Variants in SLC24A2 observed in about 807,000 individuals in gnomAD.
SLC24A2 encodes sodium/potassium/calcium exchanger 2.
Under a neutral mutation model 62.0 loss-of-function variants are expected in SLC24A2, and 36 were observed. That is an observed-to-expected ratio of 0.58 (90% CI 0.44 to 0.77). The LOEUF is 0.77. SLC24A2 is among the 30% of genes least tolerant of loss of function. SLC24A2 has a pLI of 0.00. For synonymous variants in SLC24A2, 358 were observed against 294.0 expected (o/e 1.22, Z -2.23); for missense variants, 846 against 817.9 (o/e 1.03, Z -0.42).
At chr9:20,001,173 G>A in the SLC24A2 span, among the ~76,000 whole-genome samples, 1 of 152,220 alleles carries the variant, frequency 6.6e-6, no homozygotes, top group African/African-American at 2.4e-5. Context: ...AGCCTGCATT[G>A]TCCCTGCTGC....
intron 8 of SLC24A2, among the ~76,000 whole-genome samples, chr9:19,541,548 A>C (rs574689953): frequency 6.8e-6 from 1 of 148,128 alleles, no homozygotes; most frequent in African/African-American, 2.5e-5. Context: ...CCAATTGAGG[A>C]GGCAGTCTGC....
At chr9:19,724,832 G>GT (rs1374725202) in intron 2 of SLC24A2, among the ~76,000 whole-genome samples, 1 of 152,098 alleles carries the variant, frequency 6.6e-6, no homozygotes, top group Non-Finnish European at 1.5e-5. Context: ...CCAATAAGGC[G>GT]TATTTCAAAC....
At chr9:19,761,604 G>A (rs1284832845) in intron 2 of SLC24A2, among the ~76,000 whole-genome samples, 1 of 151,894 alleles carries the variant, frequency 6.6e-6, no homozygotes, top group African/African-American at 2.4e-5. Context: ...TTGGCATTAG[G>A]TATATCTCCT....
chr9:19,985,223 C>A, the SLC24A2 span, among the ~76,000 whole-genome samples: 1 of 152,096 alleles, frequency 6.6e-6, no homozygotes, highest in African/African-American at 2.4e-5. Context: ...TATGATTCAG[C>A]AATTCCACTC....
the SLC24A2 span, among the ~76,000 whole-genome samples, chr9:19,922,460 A>C: frequency 4.9e-3 from 744 of 152,356 alleles, 4 homozygotes; most frequent in African/African-American, 0.017. Flanking sequence ...AGCATGCTCA[A>C]TAATTCAAGC....
chr9:19,941,444 T>C, the SLC24A2 span, among the ~76,000 whole-genome samples: 5 of 152,142 alleles, frequency 3.3e-5, no homozygotes, highest in East Asian at 3.9e-4. Flanking sequence ...ACTTTAGTAA[T>C]TGAGTTAATA....
intron 9 of SLC24A2, among the ~76,000 whole-genome samples, chr9:19,527,481 T>C (rs1833493776): frequency 6.6e-6 from 1 of 152,248 alleles, no homozygotes; most frequent in Admixed American, 6.5e-5. Flanking sequence ...GTTACCACTA[T>C]TATCTTTGAA....
At chr9:20,067,859 G>A in the SLC24A2 span, among the ~76,000 whole-genome samples, 1 of 152,056 alleles carries the variant, frequency 6.6e-6, no homozygotes, top group Non-Finnish European at 1.5e-5. Context: ...CAGCATATGT[G>A]TCTGTTTGGT....
the SLC24A2 span, among the ~76,000 whole-genome samples, chr9:19,884,422 C>G: frequency 6.6e-6 from 1 of 152,162 alleles, no homozygotes; most frequent in Non-Finnish European, 1.5e-5. Flanking sequence ...CTCTTCTGAA[C>G]ACTGTTGTAT....
the SLC24A2 span, among the ~76,000 whole-genome samples, chr9:19,850,375 T>C: frequency 6.6e-6 from 1 of 152,168 alleles, no homozygotes; most frequent in Non-Finnish European, 1.5e-5. Flanking sequence ...GTAGTCACCA[T>C]CTAGATAACA....
intron 2 of SLC24A2, among the ~76,000 whole-genome samples, chr9:19,747,035 G>C (rs547741019): frequency 1.4e-4 from 21 of 152,212 alleles, no homozygotes; most frequent in Admixed American, 1.1e-3. Context: ...CAAATCATTA[G>C]AGTATAACCT....
chr9:19,975,204 C>G, the SLC24A2 span, among the ~76,000 whole-genome samples: 1 of 152,268 alleles, frequency 6.6e-6, no homozygotes, highest in East Asian at 1.9e-4. Flanking sequence ...AAGAGCCTAG[C>G]TTAGCTTTTT....
the SLC24A2 span, among the ~76,000 whole-genome samples, chr9:20,234,112 G>C: frequency 7.2e-5 from 11 of 152,244 alleles, no homozygotes; most frequent in Non-Finnish European, 1.2e-4. Context: ...AGTCTGATGG[G>C]CTTCCCTTTG....
the SLC24A2 span, among the ~76,000 whole-genome samples, chr9:20,072,083 T>C: frequency 2.0e-5 from 3 of 152,154 alleles, no homozygotes; most frequent in East Asian, 5.8e-4. Flanking sequence ...TCTGCCAGCC[T>C]CCACGTGCTA....
In SLC24A2 at chr9:19,645,750, G is replaced by C. The variant is rs191785313; in HGVS notation, c.931-23451C>G. On this transcript the variant is annotated intron_variant, in intron 2 of 10. Coordinates refer to ENST00000341998, the MANE Select transcript of SLC24A2 (RefSeq NM_020344.4). ...TGGGCTTCTTATATTGATTCTGCAA[G>C]AAAGAAGACTTTGCACTGATGTTTG... is the stretch of plus-strand genomic sequence containing the variant. Among the ~76,000 whole-genome samples, 450 of 152,326 alleles carry C rather than the reference G, an allele frequency of 3.0e-3. 8 individuals are homozygous for C. The highest frequency in any genetic ancestry group is 0.024 in the Admixed American group (369 of 15,302).
chr9:19,607,861 C>A (rs1837036946), intron 4 of SLC24A2, among the ~76,000 whole-genome samples: 1 of 152,104 alleles, frequency 6.6e-6, no homozygotes, highest in Admixed American at 6.5e-5. Flanking sequence ...TAAGACAATT[C>A]ACATTCCCTT....
intron 9 of SLC24A2, among the ~76,000 whole-genome samples, chr9:19,526,150 C>A (rs886201497): frequency 6.6e-6 from 1 of 152,050 alleles, no homozygotes; most frequent in East Asian, 1.9e-4. Flanking sequence ...ATAATATTTT[C>A]GAATTTCACT....
At chr9:20,214,038 ATTTTC>A in the SLC24A2 span, among the ~76,000 whole-genome samples, 1 of 152,188 alleles carries the variant, frequency 6.6e-6, no homozygotes, top group East Asian at 1.9e-4. Flanking sequence ...GAGTGGCAGA[ATTTTC>A]TTTTTTAAGA....
the SLC24A2 span, among the ~76,000 whole-genome samples, chr9:20,027,487 C>G: frequency 1.4e-4 from 21 of 152,094 alleles, no homozygotes; most frequent in Admixed American, 7.9e-4. Flanking sequence ...GAATGAAATC[C>G]TGCTGTTTGT....
Sources: allele counts gnomAD v4.1 joint callset (sites outside exome capture counted in the v4.1 genomes callset), GRCh38; gene constraint gnomAD v4.1.1; transcripts MANE v1.5; gene names NCBI Gene and HGNC (gene_info 2026-07-23, HGNC 2026-07-21).